THSD7B: variants seen among roughly 807,000 people sequenced by gnomAD.
THSD7B encodes the protein thrombospondin type 1 domain containing 7B, also known as thrombospondin type-1 domain-containing protein 7B.
Under a neutral mutation model 213.6 loss-of-function variants are expected in THSD7B, and 138 were observed. That is an observed-to-expected ratio of 0.65 (90% CI 0.56 to 0.74). The LOEUF (loss-of-function observed/expected upper bound fraction) is 0.74, where lower values mean the gene tolerates loss of function less well. Ranked by LOEUF, THSD7B falls within the 30% of genes least tolerant of loss-of-function variation. The pLI is 0.00. For synonymous variants in THSD7B, 742 were observed against 687.0 expected, an observed-to-expected ratio of 1.08 and a Z score of -1.25; for missense variants, 1,931 against 1,991.5, an observed-to-expected ratio of 0.97 and a Z score of 0.58.
At chr2:137,522,653 A>C (rs1285314582) in intron 15 of THSD7B, among the ~76,000 whole-genome samples, 1 of 152,028 alleles carries the variant, frequency 6.6e-6, no homozygotes, top group Non-Finnish European at 1.5e-5. Context: ...TTTCCTTTGC[A>C]TTATTTTATT....
At chr2:137,093,797 C>G (rs566195282) in intron 3 of THSD7B, among the ~76,000 whole-genome samples, 1 of 152,118 alleles carries the variant, frequency 6.6e-6, no homozygotes, top group African/African-American at 2.4e-5. Context: ...TTTTAGGGTA[C>G]ATGTGCACAA....
chr2:137,253,879 G>T (rs1485852096), intron 10 of THSD7B, among the ~76,000 whole-genome samples: 3 of 152,114 alleles, frequency 2.0e-5, no homozygotes, highest in Non-Finnish European at 2.9e-5. Context: ...CACTGGGTTA[G>T]CTAATGTGAT....
At chr2:137,399,082 T>G (rs1273741714) in intron 12 of THSD7B, among the ~76,000 whole-genome samples, 1 of 151,954 alleles carries the variant, frequency 6.6e-6, no homozygotes, top group African/African-American at 2.4e-5. Flanking sequence ...CCTAGTGAGA[T>G]GAACCCGGTA....
intron 2 of THSD7B, among the ~76,000 whole-genome samples, chr2:136,952,472 A>G (rs893052743): frequency 6.2e-5 from 9 of 144,970 alleles, no homozygotes; most frequent in African/African-American, 2.3e-4. Flanking sequence ...AAGTTAGTGA[A>G]TCTATTTTCC....
chr2:136,973,039 C>G (rs1685428412), intron 2 of THSD7B, among the ~76,000 whole-genome samples: 1 of 152,140 alleles, frequency 6.6e-6, no homozygotes, highest in Non-Finnish European at 1.5e-5. Context: ...TGTATCATTT[C>G]TCATACTCAT....
Position 136,818,403 on chromosome 2 carries a change from G to T in THSD7B, c.-36+52716G>T, listed in dbSNP as rs866006047. Among the ~76,000 whole-genome samples the T allele has an allele frequency of 2.5e-4, 37 of 148,292 alleles. 1 individual carries two copies. Among genetic ancestry groups the T allele is most frequent in the South Asian group, 2.0e-3 (9 of 4,494 alleles). ...CACACTCTGGGGACTGTTGTGGGGT[G>T]GGGGGAGTGGGGAGGGATAGCATTG... On this transcript the variant is annotated intron_variant, in intron 1 of 27. Transcript: ENST00000409968.
intron 15 of THSD7B, among the ~76,000 whole-genome samples, chr2:137,491,362 C>T (rs186881629): frequency 6.6e-6 from 1 of 152,236 alleles, no homozygotes; most frequent in Non-Finnish European, 1.5e-5. Flanking sequence ...ATAGGTGTGG[C>T]CAACGTTTTT....
intron 15 of THSD7B, among the ~76,000 whole-genome samples, chr2:137,548,528 A>G (rs1680783375): frequency 1.3e-5 from 2 of 151,938 alleles, no homozygotes; most frequent in Admixed American, 1.3e-4. Flanking sequence ...GGAATATCTC[A>G]CAATATAAAT....
At chr2:137,104,494 A>C (rs1688210457) in intron 4 of THSD7B, among the ~76,000 whole-genome samples, 1 of 151,984 alleles carries the variant, frequency 6.6e-6, no homozygotes, top group Non-Finnish European at 1.5e-5. Context: ...CACAAGTAAA[A>C]GAACTAGAGA....
chr2:137,295,981 T>C lies in THSD7B; in HGVS notation c.2500+19955T>C, dbSNP rs79792890. The stretch of plus-strand genomic sequence containing the variant: ...GGATTGAGCTTGTTTGAATTTGTTT[T>C]ATGGTAGATATTTTACAGTCATCAT... On this transcript the variant is annotated intron_variant, in intron 12 of 27. Coordinates refer to ENST00000409968, the MANE Select transcript of THSD7B (RefSeq NM_001316349.2). Among the ~76,000 whole-genome samples, 1,077 of 152,230 alleles carry C rather than the reference T, an allele frequency of 7.1e-3. 16 individuals are homozygous for C. The highest frequency in any genetic ancestry group is 0.025 in the African/African-American group (1,023 of 41,556).
At chr2:137,223,613 T>C (rs1377198851) in intron 7 of THSD7B, among the ~76,000 whole-genome samples, 4 of 152,198 alleles carry the variant, frequency 2.6e-5, no homozygotes, top group Non-Finnish European at 4.4e-5. Context: ...CAACATTTTT[T>C]CCCTGCATTT....
intron 16 of THSD7B, 69 bp from the exon 17 acceptor site, chr2:137,572,337 T>G: frequency 1.3e-6 from 2 of 1,544,548 alleles, no homozygotes; most frequent in Non-Finnish European, 1.8e-6. Flanking sequence ...CTATGATACA[T>G]CATAACTATT....
intron 5 of THSD7B, among the ~76,000 whole-genome samples, chr2:137,143,621 G>C (rs150428605): frequency 6.6e-6 from 1 of 152,250 alleles, no homozygotes; most frequent in Non-Finnish European, 1.5e-5. Context: ...ATGGCCTAAT[G>C]TGGGCACTTT....
chr2:137,477,828 AT>A (rs1268048011), intron 15 of THSD7B, among the ~76,000 whole-genome samples: 12 of 151,158 alleles, frequency 7.9e-5, no homozygotes, highest in Non-Finnish European at 1.8e-4. Context: ...TTAATCCTTC[AT>A]TTATGAAGGG....
At chr2:137,636,203 TTAAC>T in intron 20 of THSD7B, among the ~76,000 whole-genome samples, 1 of 152,304 alleles carries the variant, frequency 6.6e-6, no homozygotes, top group African/African-American at 2.4e-5. Context: ...ACTTTCTCCA[TTAAC>T]ACACATGTTC....
chr2:137,560,473 A>G (rs1015623809), intron 15 of THSD7B, among the ~76,000 whole-genome samples: 1 of 152,162 alleles, frequency 6.6e-6, no homozygotes, highest in Admixed American at 6.5e-5. Context: ...GAAAAAACCA[A>G]ACACCACATG....
chr2:136,778,058 C>T (rs967022458), intron 1 of THSD7B, among the ~76,000 whole-genome samples: 25 of 152,066 alleles, frequency 1.6e-4, no homozygotes, highest in Admixed American at 1.4e-3. Flanking sequence ...GAATGAAGGG[C>T]ATACTTATAG....
intron 12 of THSD7B, among the ~76,000 whole-genome samples, chr2:137,325,210 C>T (rs1053117125): frequency 4.7e-5 from 7 of 150,124 alleles, no homozygotes; most frequent in Non-Finnish European, 7.4e-5. Context: ...TGGTCACAGA[C>T]AGAAACTCCA....
intron 2 of THSD7B, among the ~76,000 whole-genome samples, chr2:136,944,645 T>C (rs1684897690): frequency 6.6e-6 from 1 of 152,102 alleles, no homozygotes; most frequent in Admixed American, 6.6e-5. Context: ...GTAATGGCCT[T>C]CTTTGTCTCT....
Sources: gnomAD v4.1 joint callset for allele counts (sites outside exome capture counted in the v4.1 genomes callset) on GRCh38, gnomAD v4.1.1 for gene constraint, MANE v1.5 for transcripts, NCBI Gene and HGNC (gene_info 2026-07-23, HGNC 2026-07-21) for gene names.